Variants in ASIC2 observed in about 807,000 individuals in gnomAD.
ASIC2 encodes acid-sensing ion channel 2.
In ASIC2, 25 loss-of-function variants were observed where a neutral mutation model predicts 57.3. The ratio of observed to expected loss-of-function variants is 0.44; its 90% confidence interval spans 0.32 to 0.61. The LOEUF (loss-of-function observed/expected upper bound fraction) is 0.61. ASIC2 is among the 20% of genes least tolerant of loss of function. The pLI is 0.06. For missense variants in ASIC2, 641 were observed against 738.1 expected (o/e 0.87, Z 1.52); for synonymous variants, 319 against 307.5 (o/e 1.04, Z -0.39).
chr17:33,887,021 C>G (rs1249226017), intron 1 of ASIC2, among the ~76,000 whole-genome samples: 1 of 152,138 alleles, frequency 6.6e-6, no homozygotes, highest in Non-Finnish European at 1.5e-5. Flanking sequence ...AGAGAGCCGA[C>G]TGTGGTGCTA....
chr17:33,939,085 C>T (rs72821031), intron 1 of ASIC2, among the ~76,000 whole-genome samples: 5,056 of 152,336 alleles, frequency 0.033, 130 homozygotes, highest in Admixed American at 0.093. Context: ...CCCTGCCAGC[C>T]CATTGTTGGG....
chr17:33,293,041 C>A lies in ASIC2; in HGVS notation c.-926G>T. ...TGCTGTCTCTCGCGTCTTCTCTCTG[C>A]CCCCGCGGCGACAAGAGCTGGGGAC... is the stretch of plus-strand genomic sequence containing the variant. On this transcript the variant is annotated 5_prime_UTR_variant, in exon 1 of 10. Coordinates refer to ENST00000225823, the MANE Select transcript of ASIC2 (RefSeq NM_183377.2). The A allele has an allele frequency of 1.0e-6, 1 of 985,496 alleles. No homozygotes were observed. Among genetic ancestry groups the A allele is most frequent in the South Asian group, 4.7e-5 (1 of 21,290 alleles). 61.0% of individuals were successfully genotyped at this position (985,496 alleles called of 1,614,324 possible).
At chr17:34,143,820 G>A (rs1038045080) in intron 1 of ASIC2, among the ~76,000 whole-genome samples, 1 of 152,178 alleles carries the variant, frequency 6.6e-6, no homozygotes, top group Non-Finnish European at 1.5e-5. Context: ...TAGTAGGCCT[G>A]ACTTTCCAGA....
At position 33,617,227 on chromosome 17, in the gene ASIC2, G is replaced by A. The variant is rs183684958; in HGVS notation, c.556-505160C>T. Among the ~76,000 whole-genome samples, 419 of 152,260 alleles carry A rather than the reference G, an allele frequency of 2.8e-3. 2 individuals carry two copies. The highest frequency in any genetic ancestry group is 9.3e-3 in the African/African-American group (386 of 41,550). On this transcript the variant is annotated intron_variant, in intron 1 of 9. Transcript: ENST00000359872. ...CACATAGACACATATGTTCATTGCA[G>A]CACTATTCACATAGCAAAGACATGG... is the stretch of plus-strand genomic sequence containing the variant.
At chr17:33,116,689 A>T (rs2092282566) in intron 1 of ASIC2, among the ~76,000 whole-genome samples, 1 of 152,190 alleles carries the variant, frequency 6.6e-6, no homozygotes, top group African/African-American at 2.4e-5. Context: ...TATCATTTTC[A>T]TTCCTAATGC....
At chr17:33,649,185 T>G (rs1216942479) in intron 1 of ASIC2, among the ~76,000 whole-genome samples, 1 of 152,194 alleles carries the variant, frequency 6.6e-6, no homozygotes, top group East Asian at 1.9e-4. Context: ...CAAAACCGTC[T>G]ACAACTAATA....
intron 1 of ASIC2, among the ~76,000 whole-genome samples, chr17:33,743,839 ATC>A (rs973150332): frequency 2.6e-5 from 4 of 152,022 alleles, no homozygotes; most frequent in Non-Finnish European, 4.4e-5. Context: ...TTTAAAATTA[ATC>A]TCTCTCTCTC....
At chr17:33,424,836 C>A (rs1442931477) in intron 1 of ASIC2, among the ~76,000 whole-genome samples, 7 of 152,164 alleles carry the variant, frequency 4.6e-5, no homozygotes, top group African/African-American at 1.7e-4. Context: ...CTGACCCTGT[C>A]TCCTAGGGGC....
At chr17:33,811,841 T>C (rs1200654139) in intron 1 of ASIC2, among the ~76,000 whole-genome samples, 1 of 152,226 alleles carries the variant, frequency 6.6e-6, no homozygotes, top group African/African-American at 2.4e-5. Context: ...AGTACTGGCA[T>C]TCCTATCGGT....
chr17:33,815,064 G>A (rs1228815318), intron 1 of ASIC2, among the ~76,000 whole-genome samples: 3 of 151,930 alleles, frequency 2.0e-5, no homozygotes, highest in African/African-American at 7.3e-5. Context: ...TAGGTGTGGT[G>A]TGGGCGAGTG....
rs547246689 is a variant in ASIC2, at chr17:34,002,019, C to T, written c.555+153959G>A. 3 of 152,330 alleles carry T rather than the reference C, an allele frequency of 2.0e-5. No individual in the cohort carries two copies. The East Asian group carries it at 5.8e-4, about 29-fold the overall frequency. 9.4% of individuals were successfully genotyped at this position (152,330 alleles called of 1,614,324 possible). A position where few individuals can be genotyped will look rare whatever the true frequency, so the allele number is the denominator to read the frequency against. On this transcript the variant is annotated intron_variant, in intron 1 of 9. Coordinates refer to the ASIC2 transcript ENST00000359872. ...ACCATTAACATTTTATCCTCTTACT[C>T]TGTTCTACTCACATCCCTCAAGATT...
chr17:33,696,559 GC>G (rs1300589998), intron 1 of ASIC2, among the ~76,000 whole-genome samples: 1 of 152,162 alleles, frequency 6.6e-6, no homozygotes, highest in Admixed American at 6.5e-5. Flanking sequence ...AACGAAGAAG[GC>G]CCCCATGGGT....
At chr17:33,286,807 A>G (rs144285698) in intron 1 of ASIC2, among the ~76,000 whole-genome samples, 57 of 152,166 alleles carry the variant, frequency 3.7e-4, no homozygotes, top group African/African-American at 1.3e-3. Context: ...CCTCAACATC[A>G]CTGAGAGCTC....
intron 3 of ASIC2, among the ~76,000 whole-genome samples, chr17:33,059,779 G>C (rs2092013102): frequency 6.6e-6 from 1 of 152,358 alleles, no homozygotes; most frequent in Middle Eastern, 3.4e-3. Flanking sequence ...CCCATCAACA[G>C]TGTAAAAGTG....
chr17:33,781,467 T>A (rs1265013092), intron 1 of ASIC2, among the ~76,000 whole-genome samples: 1 of 152,006 alleles, frequency 6.6e-6, no homozygotes. Flanking sequence ...GAGGCAGACA[T>A]AGAGGGGTGA....
chr17:33,068,716 A>G (rs1365499067), intron 3 of ASIC2, among the ~76,000 whole-genome samples: 1 of 152,154 alleles, frequency 6.6e-6, no homozygotes, highest in Non-Finnish European at 1.5e-5. Context: ...CTCACTTTTA[A>G]TGATAACTTG....
chr17:33,315,847 C>G (rs1029700129), intron 1 of ASIC2, among the ~76,000 whole-genome samples: 1 of 152,204 alleles, frequency 6.6e-6, no homozygotes, highest in Non-Finnish European at 1.5e-5. Context: ...CAGTGGAGTA[C>G]TGGCTTTGAC....
chr17:33,625,171 C>T (rs150340330), intron 1 of ASIC2, among the ~76,000 whole-genome samples: 47 of 151,952 alleles, frequency 3.1e-4, no homozygotes, highest in South Asian at 1.9e-3. Flanking sequence ...ATCTATCTAT[C>T]TATCATCTAT....
At chr17:33,992,598 G>C (rs1007308583) in intron 1 of ASIC2, among the ~76,000 whole-genome samples, 2 of 152,144 alleles carry the variant, frequency 1.3e-5, no homozygotes, top group South Asian at 4.1e-4. Context: ...ACATTGGCTC[G>C]CAAAAGCCAA....
Sources: gnomAD v4.1 joint callset for allele counts (sites outside exome capture counted in the v4.1 genomes callset) on GRCh38, gnomAD v4.1.1 for gene constraint, MANE v1.5 for transcripts, NCBI Gene and HGNC (gene_info 2026-07-23, HGNC 2026-07-21) for gene names.